TMEM131: variants seen among roughly 807,000 people sequenced by gnomAD.
TMEM131 encodes the protein transmembrane protein 131.
In TMEM131, 66 loss-of-function variants were observed where a neutral mutation model predicts 211.6. The ratio of observed to expected loss-of-function variants is 0.31; its 90% CI spans 0.26 to 0.38. The LOEUF (loss-of-function observed/expected upper bound fraction) is 0.38, where lower values mean the gene tolerates loss of function less well. TMEM131 is among the 10% of genes least tolerant of loss of function. TMEM131 has a pLI of 1.00. For missense variants in TMEM131, 2,036 were observed against 2,299.3 expected (o/e 0.89, Z 2.34); for synonymous variants, 844 against 841.3 (o/e 1.00, Z -0.06).
intron 5 of TMEM131, among the ~76,000 whole-genome samples, chr2:97,855,785 TAGAC>T (rs1004378634): frequency 1.8e-4 from 28 of 152,156 alleles, no homozygotes; most frequent in Non-Finnish European, 3.7e-4. Flanking sequence ...TCCAGATCAA[TAGAC>T]AGAGACCTAT....
At chr2:97,943,075 AAGAAAGAAAGAAAGAAAGAAAGAAAG>A (rs1192942620) in intron 1 of TMEM131, among the ~76,000 whole-genome samples, 3 of 143,600 alleles carry the variant, frequency 2.1e-5, no homozygotes, top group African/African-American at 5.1e-5. Flanking sequence ...GAAAGAAAGA[AAGAAAGAAAGAAAGAAAGAAAGAAAG>A]AGCTGGGTGT....
chr2:97,839,314 AC>A (rs1683083479), intron 7 of TMEM131, among the ~76,000 whole-genome samples: 1 of 11,580 alleles, frequency 8.6e-5, no homozygotes, highest in South Asian at 1.2e-3. Flanking sequence ...TGTCTGGAAA[AC>A]CAACCAACCA....
rs548399647 is a variant in TMEM131, at chr2:97,922,010, T to C, written c.249+5416A>G. On this transcript the variant is annotated intron_variant, in intron 2 of 40. Transcript: ENST00000186436. ...TAAAATGGAAGATACACATACTCTA[T>C]GACAGTGGTCCCCAACATTTCTGGC... is the stretch of plus-strand genomic sequence containing the variant. 4.6e-5 allele frequency among the ~76,000 whole-genome samples: 7 copies of C among 152,338 alleles called. No individual in the cohort carries two copies. The South Asian group carries it at 1.4e-3, about 32-fold the overall frequency.
At position 97,943,920 on chromosome 2, in the gene TMEM131, A is replaced by G. The variant is rs1276212773; in HGVS notation, c.188-16433T>C. On this transcript the variant is annotated intron_variant, in intron 1 of 40. Transcript: ENST00000186436. ...AACATGCTGAAACCCCATCTCTACT[A>G]AAAATACAAAAATTAGCTGGGCATG... Among the ~76,000 whole-genome samples, 4 of 152,068 alleles carry G rather than the reference A, an allele frequency of 2.6e-5. No individual in the cohort carries two copies. The East Asian group carries it at 7.7e-4, about 29-fold the overall frequency.
intron 25 of TMEM131, among the ~76,000 whole-genome samples, chr2:97,798,231 G>C (rs1484881876): frequency 6.6e-6 from 1 of 152,168 alleles, no homozygotes; most frequent in Non-Finnish European, 1.5e-5. Flanking sequence ...AAAAACATTT[G>C]CTTTTTTATT....
At chr2:97,811,814 T>C (rs991331180) in intron 17 of TMEM131, among the ~76,000 whole-genome samples, 2 of 152,236 alleles carry the variant, frequency 1.3e-5, no homozygotes, top group African/African-American at 4.8e-5. Context: ...CTGATGCTCC[T>C]TCTCACAGAT....
intron 1 of TMEM131, among the ~76,000 whole-genome samples, chr2:97,960,278 C>T (rs1041885804): frequency 3.3e-4 from 50 of 152,156 alleles, no homozygotes; most frequent in African/African-American, 9.2e-4. Flanking sequence ...AAAACGGTAA[C>T]TTTCTAATTC....
chr2:97,764,803 G>A (rs1679073633), intron 35 of TMEM131: 1 of 152,254 alleles, frequency 6.6e-6, no homozygotes. Flanking sequence ...ATGTCAACAT[G>A]TGGCTCAGGT....
chr2:97,758,111 T>G (rs868244607), intron 40 of TMEM131, among the ~76,000 whole-genome samples: 39 of 147,830 alleles, frequency 2.6e-4, no homozygotes, highest in Middle Eastern at 3.5e-3. Context: ...CAGCCTGGGC[T>G]ACAGAGCAAG....
At chr2:97,924,432 TC>T (rs1437551027) in intron 2 of TMEM131, among the ~76,000 whole-genome samples, 2 of 152,120 alleles carry the variant, frequency 1.3e-5, no homozygotes, top group Non-Finnish European at 2.9e-5. Flanking sequence ...CTGGCCAAGT[TC>T]TGATGTGCTC....
At chr2:97,844,551 C>T (rs184752201) in intron 5 of TMEM131, among the ~76,000 whole-genome samples, 4 of 152,264 alleles carry the variant, frequency 2.6e-5, no homozygotes, top group South Asian at 2.1e-4. Flanking sequence ...GGCTGTTCCA[C>T]GATGAGACAA....
chr2:97,881,259 G>T (rs1443742735), intron 4 of TMEM131, among the ~76,000 whole-genome samples: 1 of 148,958 alleles, frequency 6.7e-6, no homozygotes, highest in Non-Finnish European at 1.5e-5. Context: ...TTTTTTTTGA[G>T]ACAGGGTCTG....
At chr2:97,866,956 T>C (rs1348006601) in intron 4 of TMEM131, among the ~76,000 whole-genome samples, 1 of 152,220 alleles carries the variant, frequency 6.6e-6, no homozygotes, top group African/African-American at 2.4e-5. Context: ...TCTGAGAATC[T>C]GCAATTCTTC....
chr2:97,821,947 G>A (rs771887248), intron 11 of TMEM131, among the ~76,000 whole-genome samples: 55 of 152,112 alleles, frequency 3.6e-4, no homozygotes, highest in African/African-American at 9.4e-4. Context: ...ATTCAGCTCC[G>A]GGATCCCGAC....
intron 19 of TMEM131, among the ~76,000 whole-genome samples, chr2:97,809,471 T>C (rs1681453576): frequency 1.3e-5 from 2 of 152,362 alleles, no homozygotes; most frequent in South Asian, 4.1e-4. Context: ...TTCCGCTTTA[T>C]AGCTCTGAAT....
chr2:97,991,106 A>G (rs1008232919), intron 1 of TMEM131, among the ~76,000 whole-genome samples: 3 of 152,192 alleles, frequency 2.0e-5, no homozygotes, highest in African/African-American at 7.2e-5. Flanking sequence ...TTCACAATGA[A>G]ATTATATTAC....
At chr2:97,950,935 G>A (rs1678282795) in intron 1 of TMEM131, among the ~76,000 whole-genome samples, 2 of 152,294 alleles carry the variant, frequency 1.3e-5, no homozygotes, top group South Asian at 4.1e-4. Flanking sequence ...AGTAAAGAAA[G>A]TACAATAAGC....
chr2:97,921,975 C>T lies in TMEM131; in HGVS notation c.249+5451G>A, dbSNP rs1439903711. 3.9e-5 allele frequency among the ~76,000 whole-genome samples: 6 copies of T among 152,296 alleles called. No individual in the cohort carries two copies. In the East Asian group the frequency reaches 9.6e-4, roughly 24 times the overall value. ...AACAACCACTTTGGAAAACTATATG[C>T]ATTATCTATTAAAATGGAAGATACA... is the stretch of plus-strand genomic sequence containing the variant. On this transcript the variant is annotated intron_variant, in intron 2 of 40. Coordinates refer to ENST00000186436, the MANE Select transcript of TMEM131 (RefSeq NM_015348.2).
chr2:97,875,237 A>G (rs1022507238), intron 4 of TMEM131, among the ~76,000 whole-genome samples: 7 of 152,210 alleles, frequency 4.6e-5, no homozygotes, highest in African/African-American at 1.7e-4. Flanking sequence ...AGACCTACAA[A>G]GAGACTTAAA....
Sources: gnomAD v4.1 joint callset for allele counts (sites outside exome capture counted in the v4.1 genomes callset) on GRCh38, gnomAD v4.1.1 for gene constraint, MANE v1.5 for transcripts, NCBI Gene and HGNC (gene_info 2026-07-23, HGNC 2026-07-21) for gene names.